VTI1B: variants seen among roughly 807,000 people sequenced by gnomAD.
VTI1B encodes the protein vesicle transport through interaction with t-SNAREs homolog 1B.
In VTI1B, 18 loss-of-function variants were observed where a neutral mutation model predicts 28.6. That is an observed-to-expected ratio of 0.63 (90% confidence interval 0.43 to 0.93). VTI1B has a LOEUF of 0.93. Among genes scored for constraint, VTI1B ranks in the 40% least tolerant of loss-of-function variants. The pLI is 0.00. For synonymous variants in VTI1B, 100 were observed against 107.9 expected, an observed-to-expected ratio of 0.93 and a Z score of 0.46; for missense variants, 283 against 297.0, an observed-to-expected ratio of 0.95 and a Z score of 0.35.
chr14:67,667,497 G>A (rs954681489), intron 1 of VTI1B, among the ~76,000 whole-genome samples: 1 of 152,092 alleles, frequency 6.6e-6, no homozygotes. Flanking sequence ...ACCTTGTAAG[G>A]GTTGTTTGAA....
chr14:67,647,797 A>C lies in VTI1B; in HGVS notation c.*3588T>G, dbSNP rs757087703. 2.1e-6 allele frequency: 1 copy of C among 475,538 alleles called. No homozygotes were observed. Among genetic ancestry groups the C allele is most frequent in the Non-Finnish European group, 3.8e-6 (1 of 265,702 alleles). The allele number at this position is 475,538 out of a possible 1,614,324, so 29.5% of individuals were successfully genotyped here. A position where few individuals can be genotyped will look rare whatever the true frequency, so the allele number is the denominator to read the frequency against. On this transcript the variant is annotated 3_prime_UTR_variant, in exon 6 of 6. Coordinates refer to ENST00000554659, the MANE Select transcript of VTI1B (RefSeq NM_006370.3). The stretch of plus-strand genomic sequence containing the variant: ...TACCCAGTGTAAGGCAGAAATATAC[A>C]TTGGAGTTAGTCTGTCTGAGGTATG...
intron 1 of VTI1B, among the ~76,000 whole-genome samples, chr14:67,668,466 TAC>T (rs1225717285): frequency 2.0e-5 from 3 of 152,226 alleles, no homozygotes; most frequent in Non-Finnish European, 4.4e-5. Context: ...TTTGGAGAAA[TAC>T]AGTTTTTGTT....
At position 67,674,372 on chromosome 14, in the gene VTI1B, C is replaced by G; in HGVS notation, c.115+3G>C. The stretch of plus-strand genomic sequence containing the variant: ...CCCACGGCGTGGCCCACCCCCGCCT[C>G]ACCGGTCCCCGCCGTCCCCAGCAGC... On this transcript the variant is annotated splice_donor_region_variant and intron_variant, in intron 1 of 5. Transcript: ENST00000554659. 4.4e-6 allele frequency: 7 copies of G among 1,591,046 alleles called. No homozygotes were observed. Among genetic ancestry groups the G allele is most frequent in the Non-Finnish European group, 6.0e-6 (7 of 1,171,022 alleles).
At chr14:67,666,665 T>C (rs560611895) in intron 1 of VTI1B, among the ~76,000 whole-genome samples, 1 of 152,294 alleles carries the variant, frequency 6.6e-6, no homozygotes, top group East Asian at 1.9e-4. Context: ...AGAGCTAGGA[T>C]GTACCTCAGC....
intron 5 of VTI1B, chr14:67,651,755 A>T (rs563237362): frequency 3.6e-6 from 1 of 279,164 alleles, no homozygotes; most frequent in East Asian, 9.1e-5. Context: ...CTTTAAAAAT[A>T]GCTTTTCTAG....
In VTI1B at chr14:67,656,600, T is replaced by C. The variant is rs1370189363; in HGVS notation, c.367-11A>G. The C allele has an allele frequency of 3.1e-6, 5 of 1,592,124 alleles. 1 individual carries two copies. Among genetic ancestry groups the C allele is most frequent in the Non-Finnish European group, 4.3e-6 (5 of 1,169,290 alleles). On this transcript the variant is annotated splice_polypyrimidine_tract_variant and intron_variant, in intron 3 of 5. Coordinates refer to ENST00000554659, the MANE Select transcript of VTI1B (RefSeq NM_006370.3). ...AGACTGTAGCCGATTCTGAAAGAAG[T>C]ATGGAAGAGAAATGTTAGACTTTTT... is the stretch of plus-strand genomic sequence containing the variant.
At chr14:67,663,923 C>T (rs1180398875) in intron 1 of VTI1B, among the ~76,000 whole-genome samples, 1 of 152,130 alleles carries the variant, frequency 6.6e-6, no homozygotes, top group Non-Finnish European at 1.5e-5. Flanking sequence ...TCATTGACTA[C>T]AAAATGAGGA....
At chr14:67,672,834 C>G (rs992211406) in intron 1 of VTI1B, among the ~76,000 whole-genome samples, 3 of 152,340 alleles carry the variant, frequency 2.0e-5, no homozygotes, top group African/African-American at 7.2e-5. Flanking sequence ...GAAAAAGGCA[C>G]AAGTCTTTCA....
intron 5 of VTI1B, chr14:67,652,624 G>A (rs1340695884): frequency 6.6e-6 from 1 of 152,180 alleles, no homozygotes; most frequent in Non-Finnish European, 1.5e-5. Context: ...TCTTGACTCA[G>A]TTACTGCCCA....
chr14:67,651,468 T>G lies in VTI1B; in HGVS notation c.616A>C (p.Lys206Gln). Reference sequence around the variant, plus strand: ...AAGATGATAATGGAAAGCAGCAGCTTGTTGGTTGTCACTCTACAAAGAGAA... The same window carrying G: ...AAGATGATAATGGAAAGCAGCAGCTGGTTGGTTGTCACTCTACAAAGAGAA... ...RSMSRKVTTN[K>Q]LLLSIIILLE... The change falls in exon 6 of 6, where the codon AAG (lysine) becomes CAG (glutamine). Residue 206 changes from lysine to glutamine, a missense_variant. Coordinates refer to ENST00000554659, the MANE Select transcript of VTI1B (RefSeq NM_006370.3). The G allele has an allele frequency of 6.2e-7, 1 of 1,613,850 alleles. No individual in the cohort carries two copies. Among genetic ancestry groups the G allele is most frequent in the Non-Finnish European group, 8.5e-7 (1 of 1,179,776 alleles).
Position 67,653,490 on chromosome 14 carries a change from G to T in VTI1B, c.549C>A (p.Asn183Lys). The T allele has an allele frequency of 1.2e-6, 2 of 1,613,712 alleles. No homozygotes were observed. Among genetic ancestry groups the T allele is most frequent in the Non-Finnish European group, 1.7e-6 (2 of 1,179,698 alleles). Reference protein sequence around the residue: ...QLERTKSRLVNTSENLSKSRK... With the variant: ...QLERTKSRLVKTSENLSKSRK... ...GACTTTTGCTCAAGTTTTCACTTGT[G>T]TTTACCAGCTGAGAAGAGAAAATAG... Residue 183 changes from asparagine (N) to lysine (K), a missense_variant, in exon 5 of 6, where the codon AAC becomes AAA. Coordinates refer to ENST00000554659, the MANE Select transcript of VTI1B (RefSeq NM_006370.3).
At position 67,671,713 on chromosome 14, in the gene VTI1B, C is replaced by T. The variant is rs139707086; in HGVS notation, c.115+2662G>A. Among the ~76,000 whole-genome samples, 314 of 152,244 alleles carry T rather than the reference C, an allele frequency of 2.1e-3. 2 individuals carry two copies. Among genetic ancestry groups the T allele is most frequent in the Admixed American group, 5.0e-3 (77 of 15,290 alleles). On this transcript the variant is annotated intron_variant, in intron 1 of 5. Coordinates refer to ENST00000554659, the MANE Select transcript of VTI1B (RefSeq NM_006370.3). ...GAAAATAAATGTATTTCTCAGAGTT[C>T]TGGAGGCTGGGAAGCCCAAGGCTGA...
Position 67,648,119 on chromosome 14 carries a change from T to C in VTI1B, c.*3266A>G. 1.2e-6 allele frequency: 2 copies of C among 1,614,038 alleles called. No individual in the cohort carries two copies. Among genetic ancestry groups the C allele is most frequent in the Non-Finnish European group, 1.7e-6 (2 of 1,179,920 alleles). ...CTACACTGGCTCCAGCCACAGGAACTCCTGTTGTCGGGGGACTAACCTATC... is the reference window on the plus strand; with the variant it reads ...CTACACTGGCTCCAGCCACAGGAACCCCTGTTGTCGGGGGACTAACCTATC... On this transcript the variant is annotated 3_prime_UTR_variant, in exon 6 of 6. Coordinates refer to ENST00000554659, the MANE Select transcript of VTI1B (RefSeq NM_006370.3).
intron 1 of VTI1B, among the ~76,000 whole-genome samples, chr14:67,666,320 T>C (rs2140839022): frequency 6.6e-6 from 1 of 152,308 alleles, no homozygotes; most frequent in East Asian, 1.9e-4. Context: ...ACTACATAAA[T>C]GAAAGGGGGA....
intron 1 of VTI1B, 120 bp downstream of exon 1, chr14:67,674,255 G>C (rs2037504729): frequency 1.1e-6 from 1 of 897,536 alleles, no homozygotes; most frequent in Non-Finnish European, 1.6e-6. Flanking sequence ...GCCCTAGGGG[G>C]CGTGTCTGAG....
chr14:67,667,188 A>G (rs2037411768), intron 1 of VTI1B, among the ~76,000 whole-genome samples: 1 of 152,186 alleles, frequency 6.6e-6, no homozygotes, highest in Admixed American at 6.5e-5. Flanking sequence ...CAGAAAGCCT[A>G]CCTTAATGTT....
intron 3 of VTI1B, among the ~76,000 whole-genome samples, chr14:67,658,786 C>T (rs1329734474): frequency 1.3e-5 from 2 of 152,148 alleles, no homozygotes; most frequent in African/African-American, 2.4e-5. Context: ...GATAATCCCT[C>T]GCGCATCCAT....
intron 3 of VTI1B, among the ~76,000 whole-genome samples, chr14:67,658,131 A>G (rs2140817144): frequency 6.6e-6 from 1 of 152,320 alleles, no homozygotes; most frequent in South Asian, 2.1e-4. Flanking sequence ...AAAACCAGTT[A>G]GGTTAGCGCA....
At chr14:67,663,404 T>C (rs2037363153) in intron 1 of VTI1B, among the ~76,000 whole-genome samples, 1 of 152,130 alleles carries the variant, frequency 6.6e-6, no homozygotes, top group Non-Finnish European at 1.5e-5. Flanking sequence ...CTGGGCACGG[T>C]GACTCACGCC....
Sources: gnomAD v4.1 joint callset for allele counts (sites outside exome capture counted in the v4.1 genomes callset) on GRCh38, gnomAD v4.1.1 for gene constraint, MANE v1.5 for transcripts, NCBI Gene and HGNC (gene_info 2026-07-23, HGNC 2026-07-21) for gene names.